The following DDX3X variants were observed in gnomAD, a reference collection of about 807,000 sequenced individuals.
The protein encoded by DDX3X is ATP-dependent RNA helicase DDX3X.
A neutral mutation model predicts 52.7 loss-of-function variants in DDX3X; 4 were observed. The observed-to-expected ratio is 0.08, with a 90% CI of 0.04 to 0.17. DDX3X has a LOEUF of 0.17. Among genes scored for constraint, DDX3X ranks in the 10% least tolerant of loss-of-function variants. The pLI, the probability that DDX3X is intolerant of heterozygous loss-of-function variation, is 1.00. For missense variants in DDX3X, 222 were observed against 548.6 expected, an observed-to-expected ratio of 0.40 and a Z score of 5.95; for synonymous variants, 192 against 178.1, an observed-to-expected ratio of 1.08 and a Z score of -0.62.
chrX:41,343,635 A>G (rs750034178), intron 7 of DDX3X, 102 bp from the exon 8 acceptor site: 30 of 773,648 alleles, frequency 3.9e-5, no homozygotes, highest in Non-Finnish European at 5.6e-5. Flanking sequence ...AGCATAAACT[A>G]AAAGTACTAA....
At chrX:41,334,003 G>C (rs1161117176), upstream of DDX3X, 5 of 383,739 alleles carry the variant, frequency 1.3e-5, no homozygotes. Context: ...GGACTAAGTA[G>C]GAAATCCCTT....
At chrX:41,334,645 G>A in intron 1 of DDX3X, 1 of 1,067,936 alleles carries the variant, frequency 9.4e-7, no homozygotes, top group Non-Finnish European at 1.2e-6. Context: ...GGAGTGCGCA[G>A]CGCGGCGGGA....
rs191565812 is a variant in DDX3X at position 41,334,240 on chromosome X, G to A, written c.-13G>A. ...AGCAGCGGAAGACTCCGAGTTCTCG[G>A]TACTCTTCAGGGATGAGTCATGTGG... is the stretch of plus-strand genomic sequence containing the variant. On this transcript the variant is annotated 5_prime_UTR_variant, in exon 1 of 17. Coordinates refer to ENST00000644876, the MANE Select transcript of DDX3X (RefSeq NM_001356.5). 9,709 of 1,206,608 alleles carry A rather than the reference G, an allele frequency of 8.0e-3. 32 individuals carry two copies. The highest frequency in any genetic ancestry group is 0.014 in the Middle Eastern group (62 of 4,328).
chrX:41,355,649 T>TTC (rs1160201032), intron 5 of DDX3X, among the ~76,000 whole-genome samples: 1 of 102,401 alleles, frequency 9.8e-6, no homozygotes, highest in African/African-American at 3.5e-5. Flanking sequence ...CTTTTTCTTT[T>TTC]TTTTTTTTTT....
chrX:41,352,962 A>G (rs1395585720), downstream of DDX3X, among the ~76,000 whole-genome samples: 2 of 111,751 alleles, frequency 1.8e-5, no homozygotes, highest in Non-Finnish European at 3.8e-5. Flanking sequence ...GATATTGCAA[A>G]CAAAGTAATG....
In DDX3X at chrX:41,343,333, A is replaced by G; in HGVS notation, c.661A>G (p.Met221Val). ...IPIIKEKRDL[M>V]ACAQTGSGKT... ...TATTATCAAAGAGAAAAGAGACTTG[A>G]TGGCTTGTGCCCAAACAGGTAAGCT... The change falls in exon 7 of 17, where the codon ATG becomes GTG. Residue 221 changes from methionine (M) to valine (V), a missense_variant. Physicochemically the swap from Met to Val is conservative, Grantham distance 21. Coordinates refer to ENST00000644876, the MANE Select transcript of DDX3X (RefSeq NM_001356.5). 1 of 1,203,778 alleles carries G rather than the reference A, an allele frequency of 8.3e-7. No individual in the cohort carries two copies.
intron 2 of DDX3X, 86 bp from the exon 3 acceptor site, chrX:41,338,950 C>T: frequency 2.7e-6 from 1 of 369,639 alleles, no homozygotes; most frequent in Admixed American, 6.2e-5. Context: ...ATTTTAATTT[C>T]CCAGAACCAT....
chrX:41,351,669 C>T (rs1027414360), downstream of DDX3X: 3 of 111,534 alleles, frequency 2.7e-5, no homozygotes, highest in Non-Finnish European at 5.7e-5. Context: ...TATATTTAAA[C>T]CTGCTTTGCT....
chrX:41,351,620 C>T (rs1428435194), downstream of DDX3X: 1 of 111,384 alleles, frequency 9.0e-6, no homozygotes, highest in Non-Finnish European at 1.9e-5. Context: ...TTGGGTTTTG[C>T]TTTCTTGTGT....
At chrX:41,350,873 G>A (rs755523100), downstream of DDX3X, 9 of 110,573 alleles carry the variant, frequency 8.1e-5, no homozygotes, top group Middle Eastern at 4.8e-3. Context: ...GGTTTGATAC[G>A]TTTCAATCTA....
At chrX:41,363,999 C>A (rs1408094923) in intron 5 of DDX3X, among the ~76,000 whole-genome samples, 2 of 111,499 alleles carry the variant, frequency 1.8e-5, no homozygotes, top group African/African-American at 6.5e-5. Flanking sequence ...AAACAGCTGC[C>A]CCTCTGCCTT....
At chrX:41,345,728 T>A (rs1042786396) in intron 12 of DDX3X, 180 bp downstream of exon 12, 1 of 421,500 alleles carries the variant, frequency 2.4e-6, no homozygotes, top group African/African-American at 2.5e-5. Context: ...GCTCCCTTGC[T>A]TCCGGGAGGT....
At chrX:41,355,860 T>A (rs1414240692) in intron 5 of DDX3X, among the ~76,000 whole-genome samples, 1 of 110,527 alleles carries the variant, frequency 9.0e-6, no homozygotes, top group African/African-American at 3.3e-5. Context: ...ATTTCTCTAA[T>A]GGCTGGTGAT....
chrX:41,334,694 T>C (rs1043628196), intron 1 of DDX3X: 25 of 1,008,546 alleles, frequency 2.5e-5, no homozygotes, highest in Non-Finnish European at 3.1e-5. Context: ...GGCTTCGGCC[T>C]TCACGGCTGG....
Position 41,346,990 on chromosome X carries a change from A to G in DDX3X, c.1747A>G (p.Ser583Gly). The change falls in exon 15 of 17, where the codon AGC (serine) becomes GGC (glycine). Residue 583 changes from serine to glycine, a missense_variant. Around this residue, in one of 5 missense-constraint regions of DDX3X, gnomAD observed 18 missense variants for 45.3 expected, o/e 0.40. Coordinates refer to ENST00000644876, the MANE Select transcript of DDX3X (RefSeq NM_001356.5). ...GGCTTATGAACACCACTACAAGGGT[A>G]GCAGTCGTGGACGTTCTAAGAGGTG... Reference protein sequence around the residue: ...NMAYEHHYKGSSRGRSKSSRF... With the variant: ...NMAYEHHYKGGSRGRSKSSRF... 1 of 1,210,221 alleles carries G rather than the reference A, an allele frequency of 8.3e-7. No homozygotes were observed. Among genetic ancestry groups the G allele is most frequent in the Non-Finnish European group, 1.1e-6 (1 of 894,756 alleles).
rs2063939522 is a variant in DDX3X at position 41,347,310 on chromosome X, A to G, written c.1770-2A>G. ...TGAACCAACATAATTTTTTTCTTAT[A>G]GTAGCAGATTTAGTGGAGGGTTTGG... On this transcript the variant is annotated splice_acceptor_variant, in intron 15 of 16. Transcript: ENST00000644876. LOFTEE classifies it high-confidence loss of function. The G allele has an allele frequency of 7.5e-6, 9 of 1,202,270 alleles. No homozygotes were observed. Among genetic ancestry groups the G allele is most frequent in the Non-Finnish European group, 1.0e-5 (9 of 890,371 alleles).
chrX:41,346,734 C>G (rs976505567), intron 14 of DDX3X, 112 bp downstream of exon 14: 1 of 953,272 alleles, frequency 1.0e-6, no homozygotes, highest in Non-Finnish European at 1.4e-6. Flanking sequence ...AAAGATTTTG[C>G]TCAAAGCACT....
At chrX:41,363,744 T>A (rs1359308145) in intron 5 of DDX3X, among the ~76,000 whole-genome samples, 1 of 110,734 alleles carries the variant, frequency 9.0e-6, no homozygotes, top group Non-Finnish European at 1.9e-5. Context: ...GATCGCACCA[T>A]TGCACTCCAG....
intron 12 of DDX3X, 43 bp downstream of exon 12, chrX:41,345,591 T>A: frequency 9.1e-7 from 1 of 1,096,017 alleles, no homozygotes. Context: ...TGGGGGTTTC[T>A]CTTTGTTGCC....
Sources: gnomAD v4.1 joint callset for allele counts (sites outside exome capture counted in the v4.1 genomes callset) on GRCh38, gnomAD v4.1.1 for gene constraint, gnomAD v4.1.1 regional missense constraint, MANE v1.5 for transcripts, NCBI Gene and HGNC (gene_info 2026-07-23, HGNC 2026-07-21) for gene names.